Variants in MBTPS1 observed in about 807,000 individuals in gnomAD.
MBTPS1 encodes membrane-bound transcription factor site-1 protease.
Under a neutral mutation model 127.8 loss-of-function variants are expected in MBTPS1, and 94 were observed. The observed-to-expected ratio is 0.74, with a 90% CI of 0.62 to 0.87. The LOEUF (loss-of-function observed/expected upper bound fraction) is 0.87. Ranked by LOEUF, MBTPS1 falls within the 40% of genes least tolerant of loss-of-function variation. MBTPS1 has a pLI of 0.00. For synonymous variants in MBTPS1, 632 were observed against 509.4 expected (o/e 1.24, Z -3.24); for missense variants, 1,636 against 1,353.2 (o/e 1.21, Z -3.28).
chr16:84,077,876 A>G (rs1302003661), intron 11 of MBTPS1, among the ~76,000 whole-genome samples: 2 of 152,156 alleles, frequency 1.3e-5, no homozygotes, highest in Non-Finnish European at 2.9e-5. Context: ...CGAGAACTCT[A>G]AAGAGGGACC....
At chr16:84,080,104 A>C (rs1334207456) in intron 11 of MBTPS1, among the ~76,000 whole-genome samples, 1 of 152,232 alleles carries the variant, frequency 6.6e-6, no homozygotes, top group African/African-American at 2.4e-5. Context: ...CACATAAGCC[A>C]ACTAGATGGA....
At chr16:84,073,506 T>C (rs948431098) in intron 12 of MBTPS1, among the ~76,000 whole-genome samples, 1 of 151,760 alleles carries the variant, frequency 6.6e-6, no homozygotes, top group East Asian at 1.9e-4. Flanking sequence ...TGCACAATGA[T>C]AACAAAAAAA....
rs992516206 is a variant in MBTPS1 at position 84,099,087 on chromosome 16, T to A, written c.387A>T (p.Gln129His). ...ACTTGAGGGAACGAAAGACTTTTCG[T>A]TGGGGCGTGACCCGTTTGATGTTTG... The part of the protein sequence containing the change: ...DHPNIKRVTP[Q>H]RKVFRSLKYA... Residue 129 changes from glutamine (Q) to histidine (H), a missense_variant, in exon 3 of 23, where the codon CAA (glutamine) becomes CAT (histidine). Coordinates refer to ENST00000343411, the MANE Select transcript of MBTPS1 (RefSeq NM_003791.4). 1.9e-6 allele frequency: 3 copies of A among 1,614,168 alleles called. No individual in the cohort carries two copies. The highest frequency in any genetic ancestry group is 2.5e-6 in the Non-Finnish European group (3 of 1,180,036).
intron 2 of MBTPS1, 28 bp from the exon 3 acceptor site, chr16:84,099,338 A>T: frequency 6.2e-7 from 1 of 1,607,826 alleles, no homozygotes; most frequent in Non-Finnish European, 8.5e-7. Context: ...AAACAAAAAT[A>T]AGATTTACGC....
At chr16:84,096,777 T>C (rs1485070559) in intron 3 of MBTPS1, among the ~76,000 whole-genome samples, 2 of 152,212 alleles carry the variant, frequency 1.3e-5, no homozygotes, top group Non-Finnish European at 2.9e-5. Context: ...CGGTTCTTAA[T>C]TGAAATTCCT....
chr16:84,061,911 C>T (rs1351891916), intron 19 of MBTPS1, among the ~76,000 whole-genome samples: 1 of 152,134 alleles, frequency 6.6e-6, no homozygotes, highest in Non-Finnish European at 1.5e-5. Context: ...ACTTTCCTCT[C>T]ATTAAAGGGC....
intron 12 of MBTPS1, among the ~76,000 whole-genome samples, chr16:84,073,478 T>G (rs1292418412): frequency 6.6e-6 from 1 of 151,918 alleles, no homozygotes; most frequent in South Asian, 2.1e-4. Context: ...ACCAAAAAAG[T>G]TGTGAATTTT....
Position 84,056,076 on chromosome 16 carries a change from T to A in MBTPS1, c.2891A>T (p.Asn964Ile). Reference sequence around the variant, plus strand: ...CACTTGAGGGCGATTCGATCGAAAGTTGGGTAACACCACCTTGTCCAGGTC... The same window carrying A: ...CACTTGAGGGCGATTCGATCGAAAGATGGGTAACACCACCTTGTCCAGGTC... ...SIDLDKVVLP[N>I]FRSNRPQVRP... is the part of the protein sequence containing the mutation. The change falls in exon 22 of 23, where the codon AAC (asparagine) becomes ATC (isoleucine). Residue 964 changes from asparagine (N) to isoleucine (I), a missense_variant. Transcript: ENST00000343411. 5 of 1,614,068 alleles carry A rather than the reference T, an allele frequency of 3.1e-6. No individual in the cohort carries two copies. Among genetic ancestry groups the A allele is most frequent in the Non-Finnish European group, 4.2e-6 (5 of 1,179,936 alleles).
At chr16:84,115,526 T>C (rs928035151) in intron 1 of MBTPS1, among the ~76,000 whole-genome samples, 11 of 152,218 alleles carry the variant, frequency 7.2e-5, no homozygotes, top group Non-Finnish European at 1.6e-4. Flanking sequence ...GGTATAGCCA[T>C]ACAACTGAAT....
In MBTPS1 at chr16:84,102,307, C is replaced by A. The variant is rs187237997; in HGVS notation, c.-324-200G>T. 4.9e-4 allele frequency among the ~76,000 whole-genome samples: 74 copies of A among 152,046 alleles called. 2 individuals are homozygous for A. The highest frequency in any genetic ancestry group is 1.6e-3 in the African/African-American group (68 of 41,474). Reference sequence around the variant, plus strand: ...GTCCAGCCTGAGCAACAAAGTGAGACCCTATGTCTAAAATAATAAAATAAT... The same window carrying A: ...GTCCAGCCTGAGCAACAAAGTGAGAACCTATGTCTAAAATAATAAAATAAT... On this transcript the variant is annotated intron_variant, in intron 1 of 22. Transcript: ENST00000343411.
intron 1 of MBTPS1, among the ~76,000 whole-genome samples, chr16:84,103,769 G>A (rs1412888290): frequency 6.6e-6 from 1 of 152,168 alleles, no homozygotes; most frequent in Non-Finnish European, 1.5e-5. Context: ...TTTTACTAAA[G>A]AGGGACTTTC....
At chr16:84,059,906 T>C (rs910443264) in intron 20 of MBTPS1, 1 of 152,894 alleles carries the variant, frequency 6.5e-6, no homozygotes, top group African/African-American at 2.4e-5. Context: ...TGAAATAAGG[T>C]ATCACGTGTT....
chr16:84,112,661 C>CAAAA (rs67005277), intron 1 of MBTPS1, among the ~76,000 whole-genome samples: 3 of 92,532 alleles, frequency 3.2e-5, no homozygotes, highest in Non-Finnish European at 6.3e-5. Flanking sequence ...GACTCGGTCT[C>CAAAA]AAAAAAAACA....
Position 84,081,832 on chromosome 16 carries a change from C to T in MBTPS1, c.1363G>A (p.Gly455Arg), listed in dbSNP as rs1398346413. ...ALIASARRLP[G>R]VNMFEQGHGK... is the part of the protein sequence containing the mutation. ...TGGCCTTGCTCAAACATGTTGACCC[C>T]GGGGAGCCTCCGGGCTGACGCGATC... Residue 455 changes from glycine to arginine, a missense_variant, in exon 11 of 23, where the codon GGG becomes AGG. Transcript: ENST00000343411. The T allele has an allele frequency of 8.5e-6, 13 of 1,532,902 alleles. No homozygotes were observed. Among genetic ancestry groups the T allele is most frequent in the Admixed American group, 2.1e-5 (1 of 48,284 alleles). 95.0% of individuals were successfully genotyped at this position (1,532,902 alleles called of 1,614,324 possible).
intron 12 of MBTPS1, among the ~76,000 whole-genome samples, chr16:84,073,535 G>A (rs2085803998): frequency 6.6e-6 from 1 of 152,096 alleles, no homozygotes. Flanking sequence ...TGCAGATAAG[G>A]GCTGGAAAAG....
intron 2 of MBTPS1, among the ~76,000 whole-genome samples, chr16:84,100,983 G>C (rs1463836307): frequency 5.7e-5 from 7 of 123,000 alleles, no homozygotes; most frequent in Admixed American, 9.9e-5. Flanking sequence ...CTGAAACCCC[G>C]TCTCTACTAA....
At chr16:84,065,176 G>A (rs201271394) in intron 18 of MBTPS1, among the ~76,000 whole-genome samples, 2 of 149,580 alleles carry the variant, frequency 1.3e-5, no homozygotes, top group African/African-American at 2.5e-5. Context: ...GGAGTGCAGT[G>A]GCATGATCTT....
At chr16:84,059,906 T>TA (rs1335110017) in intron 20 of MBTPS1, 1 of 152,894 alleles carries the variant, frequency 6.5e-6, no homozygotes, top group Non-Finnish European at 1.5e-5. Flanking sequence ...TGAAATAAGG[T>TA]ATCACGTGTT....
chr16:84,089,156 CAGA>C (rs1235903771), intron 8 of MBTPS1, among the ~76,000 whole-genome samples: 1 of 152,224 alleles, frequency 6.6e-6, no homozygotes, highest in Non-Finnish European at 1.5e-5. Flanking sequence ...CTGAGAGAAA[CAGA>C]AGGAGGACAC....
Sources: gnomAD v4.1 joint callset for allele counts (sites outside exome capture counted in the v4.1 genomes callset) on GRCh38, gnomAD v4.1.1 for gene constraint, MANE v1.5 for transcripts, NCBI Gene and HGNC (gene_info 2026-07-23, HGNC 2026-07-21) for gene names.